The following DLGAP2 variants were observed in gnomAD, a reference collection of about 807,000 sequenced individuals.
The protein encoded by DLGAP2 is disks large-associated protein 2.
DLGAP2 carries 26 observed loss-of-function variants against 100.3 expected under a neutral mutation model. The ratio of observed to expected loss-of-function variants is 0.26; its 90% confidence interval spans 0.19 to 0.36. DLGAP2 has a LOEUF of 0.36. DLGAP2 is among the 10% of genes least tolerant of loss of function. The pLI is 1.00. For synonymous variants in DLGAP2, 886 were observed against 630.1 expected (o/e 1.41, Z -6.08); for missense variants, 1,858 against 1,453.2 (o/e 1.28, Z -4.53).
rs1343526559 is a variant in DLGAP2 at position 1,277,262 on chromosome 8, G to A, written c.106+18379G>A. Among the ~76,000 whole-genome samples the A allele has an allele frequency of 2.0e-5, 3 of 152,174 alleles. No homozygotes were observed. In the East Asian group the frequency reaches 5.8e-4, roughly 29 times the overall value. On this transcript the variant is annotated intron_variant, in intron 3 of 14. Transcript: ENST00000637795. ...GCTTCTTCCCCATTCTGAAGTGGCAGACGTATATCTGTGCCTATGTAGCCC... is the reference window on the plus strand; with the variant it reads ...GCTTCTTCCCCATTCTGAAGTGGCAAACGTATATCTGTGCCTATGTAGCCC...
At position 840,650 on chromosome 8, in the gene DLGAP2, C is replaced by G. The variant is rs183704721; in HGVS notation, c.19-67262C>G. Among the ~76,000 whole-genome samples, 175 of 133,646 alleles carry G rather than the reference C, an allele frequency of 1.3e-3. 1 individual carries two copies. The highest frequency in any genetic ancestry group is 4.5e-3 in the African/African-American group (166 of 36,826). The allele number at this position is 133,646 out of a possible 152,430, so 87.7% of individuals were successfully genotyped here. A position where few individuals can be genotyped will look rare whatever the true frequency, so the allele number is the denominator to read the frequency against. On this transcript the variant is annotated intron_variant, in intron 1 of 14. Transcript: ENST00000637795. ...GTGCACGCCTGCATGTCTCCCTACACTCTGGATTCTGCGAGCGCGTCCACA... is the reference window on the plus strand; with the variant it reads ...GTGCACGCCTGCATGTCTCCCTACAGTCTGGATTCTGCGAGCGCGTCCACA...
intron 3 of DLGAP2, among the ~76,000 whole-genome samples, chr8:1,353,583 T>G (rs955272323): frequency 6.6e-5 from 10 of 152,212 alleles, no homozygotes; most frequent in Non-Finnish European, 1.5e-5. Flanking sequence ...TACAATGCTT[T>G]CCATTTAAGA....
At chr8:855,175 T>A (rs1012174854) in intron 1 of DLGAP2, among the ~76,000 whole-genome samples, 1 of 152,214 alleles carries the variant, frequency 6.6e-6, no homozygotes, top group Non-Finnish European at 1.5e-5. Context: ...CGAAGATTTT[T>A]AGGAGAAGAC....
chr8:789,565 C>G (rs1401661686), intron 1 of DLGAP2, among the ~76,000 whole-genome samples: 1 of 152,194 alleles, frequency 6.6e-6, no homozygotes. Context: ...TTGCAGAAAA[C>G]TGACTCTGGA....
At chr8:856,746 G>C (rs949188835) in intron 1 of DLGAP2, among the ~76,000 whole-genome samples, 3 of 152,186 alleles carry the variant, frequency 2.0e-5, no homozygotes, top group Non-Finnish European at 2.9e-5. Flanking sequence ...GTAATGGGGA[G>C]GCACCCCATA....
intron 3 of DLGAP2, among the ~76,000 whole-genome samples, chr8:1,273,260 G>A (rs1025726030): frequency 7.7e-6 from 1 of 129,514 alleles, no homozygotes; most frequent in African/African-American, 2.9e-5. Context: ...GGTGTGGAAA[G>A]AGGTGGGAGC....
chr8:1,450,460 C>G (rs1798124122), intron 3 of DLGAP2, among the ~76,000 whole-genome samples: 1 of 148,812 alleles, frequency 6.7e-6, no homozygotes, highest in Admixed American at 6.6e-5. Context: ...GTGGCTGTGG[C>G]TGAGGCTGAG....
chr8:1,095,871 C>G (rs191192305), intron 2 of DLGAP2, among the ~76,000 whole-genome samples: 205 of 152,298 alleles, frequency 1.3e-3, no homozygotes, highest in African/African-American at 4.9e-3. Context: ...CTTGAGATGT[C>G]TAAGAAATGT....
intron 2 of DLGAP2, among the ~76,000 whole-genome samples, chr8:966,041 G>T (rs1283417244): frequency 6.6e-6 from 1 of 152,184 alleles, no homozygotes; most frequent in Non-Finnish European, 1.5e-5. Flanking sequence ...GTCTCCCAAG[G>T]ACAAGCGCCA....
At chr8:1,630,781 T>A (rs1466809217) in intron 7 of DLGAP2, among the ~76,000 whole-genome samples, 1 of 152,114 alleles carries the variant, frequency 6.6e-6, no homozygotes, top group African/African-American at 2.4e-5. Flanking sequence ...AAAATCTAAC[T>A]GAAGTCTTGT....
intron 6 of DLGAP2, among the ~76,000 whole-genome samples, chr8:1,569,780 C>A (rs1224419433): frequency 6.6e-6 from 1 of 152,234 alleles, no homozygotes; most frequent in Non-Finnish European, 1.5e-5. Context: ...CCGTGGCCTT[C>A]AGCCCATGGC....
chr8:1,549,605 C>T lies in DLGAP2; in HGVS notation c.1152C>T (p.Arg384=). The change falls in exon 5 of 15, where the codon CGC becomes CGT. Residue 384 remains arginine, a synonymous_variant. Coordinates refer to ENST00000637795, the MANE Select transcript of DLGAP2 (RefSeq NM_001346810.2). The part of the protein sequence containing the change: ...LTVSQAKEAY[R]KSSLNLDKPL... ...TCAGCCAGGCCAAGGAGGCCTACCG[C>T]AAGAGCTCGCTGAACCTGGACAAGC... 1 of 1,597,858 alleles carries T rather than the reference C, an allele frequency of 6.3e-7. No homozygotes were observed. Among genetic ancestry groups the T allele is most frequent in the South Asian group, 1.1e-5 (1 of 89,562 alleles).
At chr8:1,319,803 G>C (rs1800853768) in intron 3 of DLGAP2, among the ~76,000 whole-genome samples, 1 of 152,190 alleles carries the variant, frequency 6.6e-6, no homozygotes, top group Non-Finnish European at 1.5e-5. Flanking sequence ...AGACCGGAAG[G>C]AAACGTAGAT....
At position 766,091 on chromosome 8, in the gene DLGAP2, C is replaced by G. The variant is rs192730400; in HGVS notation, c.18+28266C>G. ...CTGAGGCAGGAGAATTGCTTGAACC[C>G]GGGAAGCGGAGGTTGTAGTGAGTCG... On this transcript the variant is annotated intron_variant, in intron 1 of 14. Transcript: ENST00000637795. Among the ~76,000 whole-genome samples the G allele has an allele frequency of 3.3e-5, 5 of 152,196 alleles. 1 individual carries two copies. In the East Asian group the frequency reaches 7.8e-4, roughly 24 times the overall value.
At chr8:843,001 G>A (rs1425071149) in intron 1 of DLGAP2, among the ~76,000 whole-genome samples, 2 of 152,128 alleles carry the variant, frequency 1.3e-5, no homozygotes, top group Non-Finnish European at 2.9e-5. Flanking sequence ...CCTCTCTGGC[G>A]GGCTTTCGCT....
At chr8:895,629 A>C (rs1208272793) in intron 1 of DLGAP2, among the ~76,000 whole-genome samples, 1 of 152,178 alleles carries the variant, frequency 6.6e-6, no homozygotes, top group Non-Finnish European at 1.5e-5. Context: ...TTTTGAGCAG[A>C]ATAATGCAGT....
chr8:871,759 C>T (rs1191129471), intron 1 of DLGAP2, among the ~76,000 whole-genome samples: 3 of 152,136 alleles, frequency 2.0e-5, no homozygotes, highest in Non-Finnish European at 4.4e-5. Context: ...GTAAGGGACA[C>T]TCAGCCTGAG....
chr8:759,951 G>A (rs1042216653), intron 1 of DLGAP2, among the ~76,000 whole-genome samples: 2 of 152,130 alleles, frequency 1.3e-5, no homozygotes, highest in Non-Finnish European at 2.9e-5. Context: ...TTCTCATTTC[G>A]CTTCCACCAC....
intron 3 of DLGAP2, among the ~76,000 whole-genome samples, chr8:1,483,617 G>A (rs529137502): frequency 1.7e-4 from 25 of 148,700 alleles, no homozygotes; most frequent in Non-Finnish European, 3.2e-4. Flanking sequence ...AGGCTGAACT[G>A]CTGTGCAGGA....
Sources: allele counts gnomAD v4.1 joint callset (sites outside exome capture counted in the v4.1 genomes callset), GRCh38; gene constraint gnomAD v4.1.1; transcripts MANE v1.5; gene names NCBI Gene and HGNC (gene_info 2026-07-23, HGNC 2026-07-21).